The following FAM13A variants were observed in gnomAD, a reference collection of about 807,000 sequenced individuals.
The protein encoded by FAM13A is protein FAM13A.
Under a neutral mutation model 129.6 loss-of-function variants are expected in FAM13A, and 76 were observed. That is an observed-to-expected ratio of 0.59 (90% confidence interval 0.49 to 0.71). FAM13A has a LOEUF of 0.71. Among genes scored for constraint, FAM13A ranks in the 30% least tolerant of loss-of-function variants. The pLI is 0.00. For missense variants in FAM13A, 1,108 were observed against 1,249.3 expected (o/e 0.89, Z 1.70); for synonymous variants, 443 against 449.9 (o/e 0.98, Z 0.20).
chr4:88,732,331 T>A, intron 21 of FAM13A, 133 bp from the exon 22 acceptor site: 1 of 602,814 alleles, frequency 1.7e-6, no homozygotes, highest in African/African-American at 1.9e-5. Flanking sequence ...TAGCAACACA[T>A]ATGTACATTA....
intron 1 of FAM13A, among the ~76,000 whole-genome samples, chr4:89,053,314 G>C (rs1443777063): frequency 6.6e-6 from 1 of 152,190 alleles, no homozygotes; most frequent in Non-Finnish European, 1.5e-5. Context: ...ATGTGGCACA[G>C]AAGGCAAGAG....
At chr4:88,731,480 A>G in intron 22 of FAM13A, 52 bp from the exon 23 acceptor site, 1 of 1,074,288 alleles carries the variant, frequency 9.3e-7, no homozygotes, top group Non-Finnish European at 1.4e-6. Context: ...GAGTTGTCAT[A>G]AATGTGATGA....
chr4:88,973,134 T>A (rs1293221823), intron 4 of FAM13A, among the ~76,000 whole-genome samples: 1 of 149,394 alleles, frequency 6.7e-6, no homozygotes, highest in Non-Finnish European at 1.5e-5. Context: ...AGGCATAATT[T>A]TTTTTTTTTT....
At chr4:88,946,401 C>CTTT (rs3067813) in intron 4 of FAM13A, among the ~76,000 whole-genome samples, 20,173 of 91,212 alleles carry the variant, frequency 0.22, 2,090 homozygotes, top group East Asian at 0.27. Flanking sequence ...CTCCCGCGTT[C>CTTT]TTTTTTTTTT....
intron 1 of FAM13A, among the ~76,000 whole-genome samples, chr4:89,056,018 C>CA (rs955860102): frequency 2.0e-5 from 3 of 151,920 alleles, no homozygotes; most frequent in Non-Finnish European, 2.9e-5. Context: ...GAAACACACA[C>CA]AAAAAAAGAG....
At chr4:88,819,963 T>C (rs1366224231) in intron 7 of FAM13A, among the ~76,000 whole-genome samples, 1 of 152,224 alleles carries the variant, frequency 6.6e-6, no homozygotes, top group Non-Finnish European at 1.5e-5. Flanking sequence ...CCATGTTTTT[T>C]CTAAAGATCA....
chr4:89,010,110 G>A (rs1177245117), intron 3 of FAM13A, among the ~76,000 whole-genome samples: 1 of 152,144 alleles, frequency 6.6e-6, no homozygotes, highest in Non-Finnish European at 1.5e-5. Context: ...TAAAATAAGA[G>A]TCTTTTTCTA....
At chr4:88,814,470 T>C (rs1307258196) in intron 7 of FAM13A, among the ~76,000 whole-genome samples, 1 of 151,866 alleles carries the variant, frequency 6.6e-6, no homozygotes, top group Non-Finnish European at 1.5e-5. Flanking sequence ...ATTGAGGGAG[T>C]TCAGCACCAG....
intron 21 of FAM13A, among the ~76,000 whole-genome samples, chr4:88,734,179 CT>C (rs1237277307): frequency 6.6e-6 from 1 of 152,046 alleles, no homozygotes; most frequent in Non-Finnish European, 1.5e-5. Flanking sequence ...ACCATTTTTC[CT>C]TTTTTGATAG....
intron 1 of FAM13A, among the ~76,000 whole-genome samples, chr4:89,034,690 T>C (rs972463317): frequency 1.3e-5 from 2 of 152,300 alleles, no homozygotes; most frequent in East Asian, 1.9e-4. Context: ...GAGGCCAGCC[T>C]GGCCAACATG....
chr4:88,964,836 C>T (rs765894087), intron 4 of FAM13A, among the ~76,000 whole-genome samples: 56 of 151,992 alleles, frequency 3.7e-4, no homozygotes, highest in Non-Finnish European at 6.5e-4. Context: ...CCACATTGGC[C>T]GGGCTGGTCT....
chr4:88,743,042 A>G (rs1365095107), intron 19 of FAM13A, among the ~76,000 whole-genome samples: 3 of 152,218 alleles, frequency 2.0e-5, no homozygotes, highest in Non-Finnish European at 4.4e-5. Flanking sequence ...TATCATTAAG[A>G]TGTATTTTTG....
At chr4:88,900,155 T>C (rs1322332489) in intron 6 of FAM13A, among the ~76,000 whole-genome samples, 3 of 152,062 alleles carry the variant, frequency 2.0e-5, no homozygotes, top group Non-Finnish European at 4.4e-5. Context: ...AACCTAAAAC[T>C]GACTAGGGTA....
At chr4:88,795,825 G>GGT (rs1221015949) in intron 8 of FAM13A, among the ~76,000 whole-genome samples, 1 of 151,428 alleles carries the variant, frequency 6.6e-6, no homozygotes, top group East Asian at 1.9e-4. Context: ...ATTTCATCTA[G>GGT]GTTTTCATGT....
At chr4:88,783,955 T>G (rs1372201831) in intron 10 of FAM13A, among the ~76,000 whole-genome samples, 1 of 152,082 alleles carries the variant, frequency 6.6e-6, no homozygotes, top group Non-Finnish European at 1.5e-5. Flanking sequence ...TTTTTGTTGT[T>G]TAAGCCACCC....
intron 7 of FAM13A, among the ~76,000 whole-genome samples, chr4:88,813,761 G>A (rs1453146878): frequency 6.6e-6 from 1 of 152,144 alleles, no homozygotes; most frequent in Non-Finnish European, 1.5e-5. Flanking sequence ...GTCAAGGCTT[G>A]TTTCTGACAT....
intron 11 of FAM13A, among the ~76,000 whole-genome samples, chr4:88,775,729 C>A (rs914459060): frequency 6.6e-6 from 1 of 151,950 alleles, no homozygotes; most frequent in African/African-American, 2.4e-5. Flanking sequence ...AGAACTGAAA[C>A]TAACAAGTAC....
chr4:88,973,901 A>T (rs1760514970), intron 4 of FAM13A, among the ~76,000 whole-genome samples: 1 of 152,220 alleles, frequency 6.6e-6, no homozygotes, highest in African/African-American at 2.4e-5. Context: ...TACATGGGAC[A>T]GGATGACTGG....
chr4:88,976,961 TGTA>T (rs2148970586), intron 4 of FAM13A, among the ~76,000 whole-genome samples: 1 of 152,290 alleles, frequency 6.6e-6, no homozygotes, highest in South Asian at 2.1e-4. Flanking sequence ...AGCTTAGGTG[TGTA>T]GTAGACTATA....
Sources: allele counts gnomAD v4.1 joint callset (sites outside exome capture counted in the v4.1 genomes callset), GRCh38; gene constraint gnomAD v4.1.1; transcripts MANE v1.5; gene names NCBI Gene and HGNC (gene_info 2026-07-23, HGNC 2026-07-21).